Variants in UGT1A8 observed in about 807,000 individuals in gnomAD.
The protein encoded by UGT1A8 is UDP glucuronosyltransferase family 1 member A8.
A neutral mutation model predicts 45.3 loss-of-function variants in UGT1A8; 39 were observed. The ratio of observed to expected loss-of-function variants is 0.86; its 90% CI spans 0.67 to 1.12. UGT1A8 has a LOEUF of 1.12. Ranked by LOEUF, UGT1A8 falls within the 50% of genes most tolerant of loss-of-function variation. The probability of loss-of-function intolerance (pLI) is 0.00; values close to 1 mark genes in which losing one functional copy is unlikely to be tolerated. For synonymous variants in UGT1A8, 275 were observed against 249.2 expected (o/e 1.10, Z -0.97); for missense variants, 719 against 664.9 (o/e 1.08, Z -0.90).
At chr2:233,661,679 CTTTT>C (rs1470714028) in intron 1 of UGT1A8, among the ~76,000 whole-genome samples, 3 of 130,830 alleles carry the variant, frequency 2.3e-5, no homozygotes, top group South Asian at 2.5e-4. Context: ...TTCTTTCTTT[CTTTT>C]TAAACAAAGG....
At chr2:233,713,320 T>C (rs778430084) in intron 1 of UGT1A8, 1 of 1,614,228 alleles carries the variant, frequency 6.2e-7, no homozygotes, top group Admixed American at 1.7e-5. Context: ...CTGATGAAAT[T>C]TTCTAGAAGA....
intron 1 of UGT1A8, chr2:233,671,854 G>T: frequency 6.6e-7 from 1 of 1,511,244 alleles, no homozygotes; most frequent in Non-Finnish European, 8.8e-7. Context: ...TTGGGGTCAG[G>T]TTTTGTGCTG....
At chr2:233,684,863 G>A (rs1161167563) in intron 1 of UGT1A8, among the ~76,000 whole-genome samples, 1 of 152,146 alleles carries the variant, frequency 6.6e-6, no homozygotes, top group Non-Finnish European at 1.5e-5. Flanking sequence ...TTCCTTTCTT[G>A]TTTCATATGG....
At chr2:233,667,091 A>C (rs2074094886) in intron 1 of UGT1A8, among the ~76,000 whole-genome samples, 1 of 152,138 alleles carries the variant, frequency 6.6e-6, no homozygotes, top group South Asian at 2.1e-4. Context: ...GCTATTGTGA[A>C]TAGTGCTGCA....
intron 1 of UGT1A8, 56 bp downstream of exon 1, chr2:233,618,618 A>G (rs2072946147): frequency 2.6e-6 from 4 of 1,543,076 alleles, no homozygotes; most frequent in East Asian, 2.3e-5. Flanking sequence ...AAATTAAAAA[A>G]AGATTCCTTA....
intron 1 of UGT1A8, among the ~76,000 whole-genome samples, chr2:233,683,816 A>G (rs564752675): frequency 6.6e-6 from 1 of 151,880 alleles, no homozygotes; most frequent in African/African-American, 2.4e-5. Flanking sequence ...ATATTACTAA[A>G]CTCTCGTATT....
At chr2:233,642,253 A>G (rs2073472383) in intron 1 of UGT1A8, among the ~76,000 whole-genome samples, 1 of 152,138 alleles carries the variant, frequency 6.6e-6, no homozygotes, top group Admixed American at 6.5e-5. Flanking sequence ...CCTGTCTTCA[A>G]GCTCAGTAAT....
chr2:233,679,589 C>T lies in UGT1A8; in HGVS notation c.855+61027C>T, dbSNP rs113117053. 9.1e-3 allele frequency among the ~76,000 whole-genome samples: 1,388 copies of T among 152,176 alleles called. 20 individuals are homozygous for T. The highest frequency in any genetic ancestry group is 0.032 in the African/African-American group (1,309 of 41,526). On this transcript the variant is annotated intron_variant, in intron 1 of 4. Transcript: ENST00000373450. ...TTTTTGTTTTTTCCAGAATAGGGCA[C>T]TGTCATCTGTATTAAAACCCTGTTC... is the stretch of plus-strand genomic sequence containing the variant.
At chr2:233,743,553 T>TA in intron 1 of UGT1A8, 1 of 1,367,178 alleles carries the variant, frequency 7.3e-7, no homozygotes, top group Non-Finnish European at 9.8e-7. Context: ...CCCCCCAAAA[T>TA]ATTCTCCAGC....
At chr2:233,647,832 G>A in intron 1 of UGT1A8, 3 of 1,048,750 alleles carry the variant, frequency 2.9e-6, no homozygotes, top group Non-Finnish European at 4.1e-6. Context: ...CCAAAAGCTA[G>A]CTTTGGTGTC....
chr2:233,763,945 G>T (rs1405755046), intron 1 of UGT1A8, among the ~76,000 whole-genome samples: 1 of 152,190 alleles, frequency 6.6e-6, no homozygotes, highest in South Asian at 2.1e-4. Context: ...GGAAAGCTTG[G>T]GAGCAGGGAA....
At chr2:233,734,641 G>T (rs777455810) in intron 1 of UGT1A8, among the ~76,000 whole-genome samples, 1 of 152,096 alleles carries the variant, frequency 6.6e-6, no homozygotes, top group East Asian at 1.9e-4. Context: ...GCTTTCTCCT[G>T]TGGGGATTTA....
chr2:233,623,594 A>G (rs886993754), intron 1 of UGT1A8, among the ~76,000 whole-genome samples: 3 of 152,190 alleles, frequency 2.0e-5, no homozygotes, highest in African/African-American at 7.2e-5. Flanking sequence ...ACATAGCCAC[A>G]ATATCATTAT....
chr2:233,646,616 G>T (rs986736292), intron 1 of UGT1A8, among the ~76,000 whole-genome samples: 31 of 149,306 alleles, frequency 2.1e-4, no homozygotes, highest in Non-Finnish European at 2.6e-4. Context: ...AATGCTGCCA[G>T]TCTCTTTGCT....
At position 233,713,972 on chromosome 2, in the gene UGT1A8, C is replaced by T. The variant is rs191784973; in HGVS notation, c.856-53062C>T. On this transcript the variant is annotated intron_variant, in intron 1 of 4. Transcript: ENST00000373450. ...TATCTTTCCAAAGATTTCATTTCTG[C>T]TTCTCATTGTTGTAATAGTCTTCAG... 1.3e-3 allele frequency: 2,084 copies of T among 1,599,986 alleles called. 2 individuals carry two copies. Among genetic ancestry groups the T allele is most frequent in the Non-Finnish European group, 1.6e-3 (1,935 of 1,173,724 alleles).
rs115693071 is a variant in UGT1A8 at position 233,730,075 on chromosome 2, T to C, written c.856-36959T>C. ...ATGTATTTATTTAAAATTGCTTCCA[T>C]ATTTACTTATCTTTCCAAATATTTC... On this transcript the variant is annotated intron_variant, in intron 1 of 4. Coordinates refer to ENST00000373450, the MANE Select transcript of UGT1A8 (RefSeq NM_019076.5). 4.0e-4 allele frequency: 646 copies of C among 1,607,268 alleles called. 1 individual carries two copies. In the African/African-American group the frequency reaches 5.1e-3, roughly 13 times the overall value.
chr2:233,690,774 C>G, intron 1 of UGT1A8: 1 of 1,062,400 alleles, frequency 9.4e-7, no homozygotes, highest in Non-Finnish European at 1.2e-6. Flanking sequence ...CACACACACA[C>G]ATACACACAC....
intron 1 of UGT1A8, 130 bp downstream of exon 1, chr2:233,618,692 T>G (rs978525193): frequency 6.7e-7 from 1 of 1,495,540 alleles, no homozygotes; most frequent in African/African-American, 1.4e-5. Flanking sequence ...TAACAGATTA[T>G]TTTGTGCCAA....
chr2:233,672,681 A>T (rs769392211), intron 1 of UGT1A8: 1 of 1,613,718 alleles, frequency 6.2e-7, no homozygotes, highest in African/African-American at 1.3e-5. Context: ...GCCACACATC[A>T]ATTTGGTTGT....
Sources: allele counts gnomAD v4.1 joint callset (sites outside exome capture counted in the v4.1 genomes callset), GRCh38; gene constraint gnomAD v4.1.1; transcripts MANE v1.5; gene names NCBI Gene and HGNC (gene_info 2026-07-23, HGNC 2026-07-21).